Variants in KHDRBS2 observed in about 807,000 individuals in gnomAD.
KHDRBS2 encodes the protein KH RNA binding domain containing, signal transduction associated 2.
In KHDRBS2, 26 loss-of-function variants were observed where a neutral mutation model predicts 44.3. The observed-to-expected ratio is 0.59, with a 90% CI of 0.43 to 0.81. KHDRBS2 has a LOEUF of 0.81. KHDRBS2 is among the 40% of genes least tolerant of loss of function. The pLI is 0.00. For missense variants in KHDRBS2, 476 were observed against 433.1 expected (o/e 1.10, Z -0.88); for synonymous variants, 194 against 151.1 (o/e 1.28, Z -2.08).
chr6:61,657,744 C>G, the KHDRBS2 span, among the ~76,000 whole-genome samples: 1 of 151,900 alleles, frequency 6.6e-6, no homozygotes, highest in African/African-American at 2.4e-5. Flanking sequence ...AAACTTAGAA[C>G]GAGAACTCTC....
chr6:62,087,662 T>C (rs1798657740), intron 2 of KHDRBS2, among the ~76,000 whole-genome samples: 1 of 152,156 alleles, frequency 6.6e-6, no homozygotes, highest in Non-Finnish European at 1.5e-5. Context: ...ATCTGATCAT[T>C]ATGTGTCTTG....
chr6:62,109,850 T>TATATCACACCATATATAAAA (rs1238699814), intron 2 of KHDRBS2, among the ~76,000 whole-genome samples: 8 of 151,854 alleles, frequency 5.3e-5, no homozygotes, highest in Non-Finnish European at 1.2e-4. Context: ...AATTTCAATT[T>TATATCACACCATATATAAAA]ATATCACACC....
intron 2 of KHDRBS2, among the ~76,000 whole-genome samples, chr6:62,070,954 C>T (rs1794913589): frequency 6.6e-6 from 1 of 152,136 alleles, no homozygotes; most frequent in Admixed American, 6.6e-5. Context: ...ACAGTCCCAC[C>T]AACAGTGTAA....
intron 6 of KHDRBS2, among the ~76,000 whole-genome samples, chr6:61,878,421 T>C (rs1156471886): frequency 6.6e-6 from 1 of 152,026 alleles, no homozygotes; most frequent in African/African-American, 2.4e-5. Flanking sequence ...ATTGACCAAG[T>C]GGTTCCTTGA....
chr6:61,574,124 A>G, the KHDRBS2 span, among the ~76,000 whole-genome samples: 44 of 152,310 alleles, frequency 2.9e-4, no homozygotes, highest in Non-Finnish European at 5.6e-4. Context: ...CTGTTAACCC[A>G]ACACAGGCAT....
chr6:61,686,465 T>A (rs759197676), intron 8 of KHDRBS2, among the ~76,000 whole-genome samples: 35 of 151,816 alleles, frequency 2.3e-4, no homozygotes, highest in Middle Eastern at 6.3e-3. Context: ...TGAGGCTATT[T>A]AATCCCAAAG....
chr6:62,104,319 T>A (rs554669746), intron 2 of KHDRBS2, among the ~76,000 whole-genome samples: 1 of 152,336 alleles, frequency 6.6e-6, no homozygotes, highest in South Asian at 2.1e-4. Context: ...TACTTTAAGT[T>A]TTAGGGTACA....
intron 6 of KHDRBS2, among the ~76,000 whole-genome samples, chr6:61,882,583 T>TCAA (rs1800357597): frequency 6.6e-6 from 1 of 152,004 alleles, no homozygotes; most frequent in South Asian, 2.1e-4. Flanking sequence ...TTTTCCATCG[T>TCAA]CAACAATGAA....
the KHDRBS2 span, among the ~76,000 whole-genome samples, chr6:61,550,766 C>CTTTTTTTTTTTTTTTT: frequency 2.6e-5 from 3 of 117,038 alleles, no homozygotes; most frequent in Non-Finnish European, 1.6e-5. Flanking sequence ...GAGATGGTAT[C>CTTTTTTTTTTTTTTTT]TTTTTTTTTT....
At chr6:61,713,572 T>A (rs62423548) in intron 7 of KHDRBS2, among the ~76,000 whole-genome samples, 57,173 of 150,190 alleles carry the variant, frequency 0.38, 11,969 homozygotes, top group African/African-American at 0.57. Flanking sequence ...GGTGATCTGA[T>A]ACCTTTAGCT....
At chr6:61,559,301 T>C in the KHDRBS2 span, among the ~76,000 whole-genome samples, 2 of 150,730 alleles carry the variant, frequency 1.3e-5, no homozygotes, top group African/African-American at 5.0e-5. Context: ...AGTGTATGCA[T>C]ATTTTTATAT....
the KHDRBS2 span, among the ~76,000 whole-genome samples, chr6:61,548,727 AT>A: frequency 1.3e-5 from 2 of 152,160 alleles, no homozygotes; most frequent in Non-Finnish European, 2.9e-5. Context: ...ACGGACTCTA[AT>A]TTTTGATTAG....
chr6:61,543,202 C>T, the KHDRBS2 span, among the ~76,000 whole-genome samples: 1 of 151,872 alleles, frequency 6.6e-6, no homozygotes. Context: ...AAAATATTTG[C>T]AAACTATCCA....
the KHDRBS2 span, among the ~76,000 whole-genome samples, chr6:61,602,178 A>G: frequency 6.6e-6 from 1 of 152,170 alleles, no homozygotes; most frequent in Non-Finnish European, 1.5e-5. Context: ...CCACAACAGG[A>G]CTTAATTAAC....
intron 6 of KHDRBS2, 115 bp downstream of exon 6, chr6:61,894,520 C>T (rs1218235213): frequency 8.8e-6 from 7 of 796,954 alleles, no homozygotes; most frequent in Admixed American, 2.9e-5. Flanking sequence ...AAATGACATT[C>T]GTTTCTGCAA....
intron 1 of KHDRBS2, among the ~76,000 whole-genome samples, chr6:62,226,948 C>T (rs1050672344): frequency 5.3e-5 from 8 of 152,154 alleles, no homozygotes; most frequent in Admixed American, 5.2e-4. Flanking sequence ...AGTTTGAAAT[C>T]AGATAGCATG....
chr6:61,559,861 A>G, the KHDRBS2 span, among the ~76,000 whole-genome samples: 1 of 152,148 alleles, frequency 6.6e-6, no homozygotes, highest in East Asian at 1.9e-4. Flanking sequence ...CACAATTTCA[A>G]TGTTATAACA....
intron 1 of KHDRBS2, among the ~76,000 whole-genome samples, chr6:62,230,496 T>G (rs1832724203): frequency 1.3e-5 from 2 of 152,206 alleles, no homozygotes; most frequent in Non-Finnish European, 2.9e-5. Flanking sequence ...GAACAGACTA[T>G]AGCAATATAA....
At chr6:61,646,255 G>A in the KHDRBS2 span, among the ~76,000 whole-genome samples, 1 of 152,058 alleles carries the variant, frequency 6.6e-6, no homozygotes, top group Admixed American at 6.6e-5. Context: ...TTATGTAAAT[G>A]AGCACACACT....
Sources: allele counts gnomAD v4.1 joint callset (sites outside exome capture counted in the v4.1 genomes callset), GRCh38; gene constraint gnomAD v4.1.1; transcripts MANE v1.5; gene names NCBI Gene and HGNC (gene_info 2026-07-23, HGNC 2026-07-21).